The following NDST4 variants were observed in gnomAD, a reference collection of about 807,000 sequenced individuals.
NDST4 encodes the protein N-heparan sulfate sulfotransferase 4.
In NDST4, 63 loss-of-function variants were observed where a neutral mutation model predicts 100.8. The ratio of observed to expected loss-of-function variants is 0.62; its 90% CI spans 0.51 to 0.77. NDST4 has a LOEUF of 0.77. NDST4 is among the 30% of genes least tolerant of loss of function. NDST4 has a pLI of 0.00. For missense variants in NDST4, 943 were observed against 1,018.4 expected (o/e 0.93, Z 1.01); for synonymous variants, 377 against 361.8 (o/e 1.04, Z -0.48).
At chr4:114,858,760 C>T (rs1285615255) in intron 7 of NDST4, among the ~76,000 whole-genome samples, 1 of 152,104 alleles carries the variant, frequency 6.6e-6, no homozygotes, top group East Asian at 1.9e-4. Flanking sequence ...TTTCTTTCCT[C>T]ATAACTTTAA....
At chr4:114,903,630 G>GTCA in intron 6 of NDST4, among the ~76,000 whole-genome samples, 2 of 152,098 alleles carry the variant, frequency 1.3e-5, no homozygotes, top group Admixed American at 6.6e-5. Flanking sequence ...TTCTCCTAGA[G>GTCA]CTCTAACAAA....
At chr4:114,974,989 C>A (rs1158656126) in intron 3 of NDST4, among the ~76,000 whole-genome samples, 3 of 152,080 alleles carry the variant, frequency 2.0e-5, no homozygotes, top group African/African-American at 7.2e-5. Flanking sequence ...AAGGCCATCT[C>A]CTCATGGTTA....
chr4:115,014,492 A>G (rs1357967330), intron 2 of NDST4, among the ~76,000 whole-genome samples: 1 of 152,088 alleles, frequency 6.6e-6, no homozygotes, highest in African/African-American at 2.4e-5. Context: ...TGTTGCATCA[A>G]TGTATTCCTC....
chr4:114,998,249 T>C (rs1727208351), intron 2 of NDST4, among the ~76,000 whole-genome samples: 1 of 152,136 alleles, frequency 6.6e-6, no homozygotes, highest in Non-Finnish European at 1.5e-5. Flanking sequence ...AACTTTCTCT[T>C]TGTCTATCCC....
intron 1 of NDST4, among the ~76,000 whole-genome samples, chr4:115,087,714 TATC>T (rs1190005146): frequency 1.3e-5 from 2 of 151,912 alleles, no homozygotes; most frequent in Non-Finnish European, 2.9e-5. Context: ...TCATATATAA[TATC>T]ATGATATGCT....
At chr4:114,986,798 A>ATC (rs1726915268) in intron 2 of NDST4, among the ~76,000 whole-genome samples, 1 of 18,644 alleles carries the variant, frequency 5.4e-5, no homozygotes, top group Non-Finnish European at 2.1e-4. Flanking sequence ...TTATACATAT[A>ATC]TATATATATA....
At chr4:114,848,105 G>T in intron 9 of NDST4, 110 bp downstream of exon 9, 2 of 878,114 alleles carry the variant, frequency 2.3e-6, no homozygotes, top group Non-Finnish European at 3.4e-6. Flanking sequence ...CTAATTCACT[G>T]TGGTGAATTT....
chr4:114,846,780 A>G (rs1260849201), intron 9 of NDST4, among the ~76,000 whole-genome samples: 3 of 152,196 alleles, frequency 2.0e-5, no homozygotes, highest in Non-Finnish European at 4.4e-5. Flanking sequence ...AAGAATTCAT[A>G]TAAGACACTT....
chr4:114,886,019 T>C (rs1433437356), intron 6 of NDST4, among the ~76,000 whole-genome samples: 1 of 152,030 alleles, frequency 6.6e-6, no homozygotes, highest in Admixed American at 6.6e-5. Context: ...TTTGAGACAA[T>C]AGAGAGTGGT....
In NDST4 at chr4:114,906,741, A is replaced by G. The variant is rs533281882; in HGVS notation, c.1536+28465T>C. ...ATTATAAATATATCTCTTAAAACAT[A>G]TGAAGATATATTTATAATGATCTTT... On this transcript the variant is annotated intron_variant, in intron 6 of 13. Coordinates refer to ENST00000264363, the MANE Select transcript of NDST4 (RefSeq NM_022569.3). 1.5e-3 allele frequency among the ~76,000 whole-genome samples: 232 copies of G among 152,110 alleles called. 3 individuals are homozygous for G. The highest frequency in any genetic ancestry group is 4.7e-4 in the Non-Finnish European group (32 of 67,894).
chr4:114,920,408 T>C (rs996719223), intron 6 of NDST4, among the ~76,000 whole-genome samples: 2 of 152,186 alleles, frequency 1.3e-5, no homozygotes, highest in Non-Finnish European at 2.9e-5. Context: ...GTCACATCTT[T>C]TATTCACTTT....
intron 1 of NDST4, among the ~76,000 whole-genome samples, chr4:115,107,347 G>A (rs1026677683): frequency 7.9e-5 from 12 of 152,076 alleles, no homozygotes; most frequent in Admixed American, 2.0e-4. Context: ...TCCAGAGAAA[G>A]TGACACTAAA....
intron 2 of NDST4, among the ~76,000 whole-genome samples, chr4:115,039,034 C>A (rs184918844): frequency 6.6e-6 from 1 of 152,222 alleles, no homozygotes; most frequent in Admixed American, 6.5e-5. Context: ...CTCTGATTTT[C>A]TTATAAACAT....
intron 7 of NDST4, among the ~76,000 whole-genome samples, chr4:114,862,589 C>T (rs1723940673): frequency 6.6e-6 from 1 of 152,050 alleles, no homozygotes; most frequent in African/African-American, 2.4e-5. Flanking sequence ...GTTCTTGGTT[C>T]TGTATGTTCA....
At chr4:115,043,554 G>A (rs565742372) in intron 2 of NDST4, among the ~76,000 whole-genome samples, 1 of 152,126 alleles carries the variant, frequency 6.6e-6, no homozygotes, top group South Asian at 2.1e-4. Flanking sequence ...CATGGAGTGA[G>A]GAAGATAAGA....
At chr4:115,088,664 AC>A (rs967544344) in intron 1 of NDST4, among the ~76,000 whole-genome samples, 1 of 151,796 alleles carries the variant, frequency 6.6e-6, no homozygotes, top group African/African-American at 2.4e-5. Flanking sequence ...AATCCAAGCA[AC>A]TGCCCTAATT....
intron 6 of NDST4, among the ~76,000 whole-genome samples, chr4:114,908,979 C>T (rs759846963): frequency 3.3e-5 from 5 of 152,094 alleles, no homozygotes; most frequent in East Asian, 1.9e-4. Flanking sequence ...AGAAATTTTA[C>T]GAAAAATATG....
chr4:114,911,790 C>T (rs1725068826), intron 6 of NDST4, among the ~76,000 whole-genome samples: 1 of 152,122 alleles, frequency 6.6e-6, no homozygotes, highest in Non-Finnish European at 1.5e-5. Context: ...TCATGATCTC[C>T]TACAATAAGT....
chr4:114,967,763 AC>A (rs1436758782), intron 4 of NDST4, among the ~76,000 whole-genome samples: 1 of 152,032 alleles, frequency 6.6e-6, no homozygotes, highest in Non-Finnish European at 1.5e-5. Context: ...GTAAAAAATG[AC>A]CCCTTGTAAA....
Sources: allele counts gnomAD v4.1 joint callset (sites outside exome capture counted in the v4.1 genomes callset), GRCh38; gene constraint gnomAD v4.1.1; transcripts MANE v1.5; gene names NCBI Gene and HGNC (gene_info 2026-07-23, HGNC 2026-07-21).